The following TNNC1 variants were observed in gnomAD, a reference collection of about 807,000 sequenced individuals.
TNNC1 encodes the protein troponin C1, slow skeletal and cardiac type, also known as troponin C, slow skeletal and cardiac muscles.
Under a neutral mutation model 19.6 loss-of-function variants are expected in TNNC1, and 10 were observed. The observed-to-expected ratio is 0.51, with a 90% CI of 0.31 to 0.87. TNNC1 has a LOEUF of 0.87. TNNC1 is among the 40% of genes least tolerant of loss of function. The pLI, the probability that TNNC1 is intolerant of heterozygous loss-of-function variation, is 0.04. For synonymous variants in TNNC1, 85 were observed against 80.1 expected (o/e 1.06, Z -0.33); for missense variants, 115 against 219.8 (o/e 0.52, Z 3.02).
Position 52,452,631 on chromosome 3 carries a change from A to G in TNNC1, c.25-118T>C. The G allele has an allele frequency of 9.0e-7, 1 of 1,115,456 alleles. No homozygotes were observed. The highest frequency in any genetic ancestry group is 1.5e-5 in the African/African-American group (1 of 65,146). 69.1% of individuals were successfully genotyped at this position (1,115,456 alleles called of 1,614,324 possible). On this transcript the variant is annotated intron_variant, in intron 1 of 5. Coordinates refer to ENST00000232975, the MANE Select transcript of TNNC1 (RefSeq NM_003280.3). This position sits in a 1 kb window ranked among gnomAD's most constrained non-coding sequence, Gnocchi z 5.2. ...AGGAGGCAGGCTATTTCCAGGCCAC[A>G]GAGTGGAGGTCTCAGTCCTCCCTCC...
Position 52,451,326 on chromosome 3 carries a change from T to A in TNNC1, c.455-20A>T, listed in dbSNP as rs751920501. On this transcript the variant is annotated intron_variant, in intron 5 of 5. Coordinates refer to ENST00000232975, the MANE Select transcript of TNNC1 (RefSeq NM_003280.3). The surrounding 1 kb of genome is among the most constrained non-coding windows in gnomAD (Gnocchi z 4.8). ...GGAACTCTGTGGAAAGAGGGGCAGG[T>A]GTGGGTTGAGGGTAGGGGCTGGGCA... The A allele has an allele frequency of 6.2e-7, 1 of 1,613,720 alleles. No individual in the cohort carries two copies. The highest frequency in any genetic ancestry group is 2.2e-5 in the East Asian group (1 of 44,862).
chr3:52,451,349 G>A lies in TNNC1; in HGVS notation c.454+42C>T, dbSNP rs1706323585. ...GGTGTGGGTTGAGGGTAGGGGCTGG[G>A]CAGGGCATGGAGGCAGGAGATCAGC... On this transcript the variant is annotated intron_variant, in intron 5 of 5. Coordinates refer to ENST00000232975, the MANE Select transcript of TNNC1 (RefSeq NM_003280.3). The surrounding 1 kb of genome is among the most constrained non-coding windows in gnomAD (Gnocchi z 4.8). 1.2e-6 allele frequency: 2 copies of A among 1,613,998 alleles called. No individual in the cohort carries two copies. The highest frequency in any genetic ancestry group is 2.7e-5 in the African/African-American group (2 of 74,890).
In TNNC1 at chr3:52,452,297, CAGGACCACGGAGGGCCAG is replaced by C. The variant is rs755805478; in HGVS notation, c.56-63_56-46del. The C allele has an allele frequency of 4.4e-6, 7 of 1,603,636 alleles. No homozygotes were observed. The East Asian group carries it at 1.6e-4, about 36-fold the overall frequency. On this transcript the variant is annotated intron_variant, in intron 2 of 5. Transcript: ENST00000232975. The surrounding 1 kb of genome is among the most constrained non-coding windows in gnomAD (Gnocchi z 5.2). ...GGCACAGTAGTCAGGGCTCAGCAGC[CAGGACCACGGAGGGCCAG>C]AACCCTGGGGCCACCTGCCAACCTG...
rs143020831 is a variant in TNNC1 at position 52,451,756 on chromosome 3, C to T, written c.305G>A (p.Arg102His). The change falls in exon 4 of 6, where the codon CGC (arginine) becomes CAC (histidine). Residue 102 changes from arginine (R) to histidine (H), a missense_variant. Arg to His is a conservative substitution (Grantham distance 29). Transcript: ENST00000232975. The surrounding 1 kb of genome is among the most constrained non-coding windows in gnomAD (Gnocchi z 4.8). ...KSEEELSDLFRMFDKNADGYI... is the reference protein window; with the variant it reads ...KSEEELSDLFHMFDKNADGYI... ...GTCACGTGCTCACTTGTCAAACATG[C>T]GGAAGAGGTCAGACAGCTCCTCCTC... 18 of 1,613,818 alleles carry T rather than the reference C, an allele frequency of 1.1e-5. No individual in the cohort carries two copies. Among genetic ancestry groups the T allele is most frequent in the East Asian group, 2.2e-5 (1 of 44,886 alleles).
At chr3:52,453,124 C>T (rs959144197) in intron 1 of TNNC1, among the ~76,000 whole-genome samples, 2 of 152,220 alleles carry the variant, frequency 1.3e-5, no homozygotes, top group African/African-American at 4.8e-5. Context: ...AGCAGGCGTG[C>T]CCCCAGAGCT....
In TNNC1 at chr3:52,451,679, C is replaced by A; in HGVS notation, c.317+65G>T. 1 of 1,582,232 alleles carries A rather than the reference C, an allele frequency of 6.3e-7. No homozygotes were observed. Among genetic ancestry groups the A allele is most frequent in the Non-Finnish European group, 8.7e-7 (1 of 1,151,106 alleles). ...GGGTCCCTAGGCCTGGAATCTGAGA[C>A]TGCCCTCCTGTACAGCTCGGCTTGA... On this transcript the variant is annotated intron_variant, in intron 4 of 5. Coordinates refer to ENST00000232975, the MANE Select transcript of TNNC1 (RefSeq NM_003280.3). This position sits in a 1 kb window ranked among gnomAD's most constrained non-coding sequence, Gnocchi z 4.8.
At position 52,452,047 on chromosome 3, in the gene TNNC1, A is replaced by T. The variant is rs1277515038; in HGVS notation, c.202+59T>A. 6.2e-7 allele frequency: 1 copy of T among 1,612,890 alleles called. No homozygotes were observed. The highest frequency in any genetic ancestry group is 1.3e-5 in the African/African-American group (1 of 75,016). ...AAATTGCTCCCAGCTAAACAGAGCC[A>T]GCATTCCAGCCCCCAGCCAGCTGGG... On this transcript the variant is annotated intron_variant, in intron 3 of 5. Coordinates refer to ENST00000232975, the MANE Select transcript of TNNC1 (RefSeq NM_003280.3). The surrounding 1 kb of genome is among the most constrained non-coding windows in gnomAD (Gnocchi z 5.2).
In TNNC1 at chr3:52,452,407, G is replaced by C. The variant is rs1385041025; in HGVS notation, c.55+76C>G. ...GACCAAGCCTCTGGTCTCTGGCCTG[G>C]GGTCCTCTTCTGATAAGGGGTCCCC... On this transcript the variant is annotated intron_variant, in intron 2 of 5. Transcript: ENST00000232975. This position sits in a 1 kb window ranked among gnomAD's most constrained non-coding sequence, Gnocchi z 5.2. 2.5e-6 allele frequency: 4 copies of C among 1,591,570 alleles called. No individual in the cohort carries two copies. Among genetic ancestry groups the C allele is most frequent in the Non-Finnish European group, 3.4e-6 (4 of 1,166,162 alleles).
rs1274784180 is a variant in TNNC1, at chr3:52,452,269, G to T, written c.56-17C>A. On this transcript the variant is annotated splice_polypyrimidine_tract_variant and intron_variant, in intron 2 of 5. Transcript: ENST00000232975. This position sits in a 1 kb window ranked among gnomAD's most constrained non-coding sequence, Gnocchi z 5.2. ...CCTTGAACTCTGTGTTCAGGGGTTG[G>T]GGGGCACAGTAGTCAGGGCTCAGCA... is the stretch of plus-strand genomic sequence containing the variant. 6.2e-7 allele frequency: 1 copy of T among 1,607,470 alleles called. No individual in the cohort carries two copies. Among genetic ancestry groups the T allele is most frequent in the South Asian group, 1.1e-5 (1 of 91,086 alleles).
At position 52,451,764 on chromosome 3, in the gene TNNC1, G is replaced by C; in HGVS notation, c.297C>G (p.Asp99Glu). The C allele has an allele frequency of 6.2e-7, 1 of 1,614,074 alleles. No homozygotes were observed. The highest frequency in any genetic ancestry group is 8.5e-7 in the Non-Finnish European group (1 of 1,179,962). The change falls in exon 4 of 6, where the codon GAC becomes GAG. Residue 99 changes from aspartate to glutamate, a missense_variant. Around this residue, in one of 2 missense-constraint regions of TNNC1, gnomAD observed 96 missense variants for 114.2 expected, o/e 0.84. Coordinates refer to ENST00000232975, the MANE Select transcript of TNNC1 (RefSeq NM_003280.3). This position sits in a 1 kb window ranked among gnomAD's most constrained non-coding sequence, Gnocchi z 4.8. ...SKGKSEEELS[D>E]LFRMFDKNAD... is the part of the protein sequence containing the mutation. ...CTCACTTGTCAAACATGCGGAAGAG[G>C]TCAGACAGCTCCTCCTCAGATTTCC... is the stretch of plus-strand genomic sequence containing the variant.
rs1174349407 is a variant in TNNC1, at chr3:52,451,898, G to A, written c.203-40C>T. ...CATGGCCGTTACAGAGGCCAGGGTA[G>A]GTACTGCAGGCAGCACCTTCGACAC... On this transcript the variant is annotated intron_variant, in intron 3 of 5. Coordinates refer to ENST00000232975, the MANE Select transcript of TNNC1 (RefSeq NM_003280.3). This position sits in a 1 kb window ranked among gnomAD's most constrained non-coding sequence, Gnocchi z 4.8. 6.3e-7 allele frequency: 1 copy of A among 1,590,424 alleles called. No individual in the cohort carries two copies. Among genetic ancestry groups the A allele is most frequent in the African/African-American group, 1.3e-5 (1 of 74,462 alleles).
intron 1 of TNNC1, among the ~76,000 whole-genome samples, chr3:52,453,092 C>T (rs1183508619): frequency 1.3e-5 from 2 of 152,240 alleles, no homozygotes; most frequent in Admixed American, 1.3e-4. Context: ...CCAACCCCGG[C>T]TCCATGGACT....
At chr3:52,453,118 G>A (rs1483407166) in intron 1 of TNNC1, among the ~76,000 whole-genome samples, 1 of 152,248 alleles carries the variant, frequency 6.6e-6, no homozygotes, top group Non-Finnish European at 1.5e-5. Flanking sequence ...AGGATAAGCA[G>A]GCGTGCCCCC....
Position 52,452,621 on chromosome 3 carries a change from TC to T in TNNC1, c.25-109del. ...CTGGAGCTGGAGGAGGCAGGCTATT[TC>T]CAGGCCACAGAGTGGAGGTCTCAGT... On this transcript the variant is annotated intron_variant, in intron 1 of 5. Coordinates refer to ENST00000232975, the MANE Select transcript of TNNC1 (RefSeq NM_003280.3). The surrounding 1 kb of genome is among the most constrained non-coding windows in gnomAD (Gnocchi z 5.2). 1 of 1,236,058 alleles carries T rather than the reference TC, an allele frequency of 8.1e-7. No homozygotes were observed. The highest frequency in any genetic ancestry group is 1.2e-6 in the Non-Finnish European group (1 of 857,284). 76.6% of individuals were successfully genotyped at this position (1,236,058 alleles called of 1,614,324 possible).
In TNNC1 at chr3:52,452,431, C is replaced by G; in HGVS notation, c.55+52G>C. Reference sequence around the variant, plus strand: ...GGGGTCCTCTTCTGATAAGGGGTCCCCATGCCAGCCTGGACCCGCTGGTCT... The same window carrying G: ...GGGGTCCTCTTCTGATAAGGGGTCCGCATGCCAGCCTGGACCCGCTGGTCT... On this transcript the variant is annotated intron_variant, in intron 2 of 5. Transcript: ENST00000232975. The surrounding 1 kb of genome is among the most constrained non-coding windows in gnomAD (Gnocchi z 5.2). 4.4e-6 allele frequency: 7 copies of G among 1,605,994 alleles called. No homozygotes were observed. Among genetic ancestry groups the G allele is most frequent in the Non-Finnish European group, 6.0e-6 (7 of 1,175,868 alleles).
At position 52,452,760 on chromosome 3, in the gene TNNC1, AAC is replaced by A. The variant is rs1336191355; in HGVS notation, c.25-249_25-248del. 1 of 590,594 alleles carries A rather than the reference AAC, an allele frequency of 1.7e-6. No individual in the cohort carries two copies. The highest frequency in any genetic ancestry group is 1.9e-5 in the African/African-American group (1 of 53,624). 36.6% of individuals were successfully genotyped at this position (590,594 alleles called of 1,614,324 possible). ...CTTCAGGACCAAGGTGACCCTCAGT[AAC>A]AATAGTCAGTGACCACTCAATGCCC... On this transcript the variant is annotated intron_variant, in intron 1 of 5. Transcript: ENST00000232975. This position sits in a 1 kb window ranked among gnomAD's most constrained non-coding sequence, Gnocchi z 5.2.
In TNNC1 at chr3:52,452,789, T is replaced by C; in HGVS notation, c.25-276A>G. 1 of 540,686 alleles carries C rather than the reference T, an allele frequency of 1.8e-6. No homozygotes were observed. The highest frequency in any genetic ancestry group is 3.2e-5 in the East Asian group (1 of 30,878). 33.5% of individuals were successfully genotyped at this position (540,686 alleles called of 1,614,324 possible). A position where few individuals can be genotyped will look rare whatever the true frequency, so the allele number is the denominator to read the frequency against. On this transcript the variant is annotated intron_variant, in intron 1 of 5. Transcript: ENST00000232975. The surrounding 1 kb of genome is among the most constrained non-coding windows in gnomAD (Gnocchi z 5.2). ...ATAGTCAGTGACCACTCAATGCCCTTTCGGCCCCTGATGAAACTCAAGCTG... is the reference window on the plus strand; with the variant it reads ...ATAGTCAGTGACCACTCAATGCCCTCTCGGCCCCTGATGAAACTCAAGCTG...
chr3:52,451,735 C>T lies in TNNC1; in HGVS notation c.317+9G>A, dbSNP rs761287435. ...GGTCAGGGTCAGAGGTCAAGGGTCACGTGCTCACTTGTCAAACATGCGGAA... is the reference window on the plus strand; with the variant it reads ...GGTCAGGGTCAGAGGTCAAGGGTCATGTGCTCACTTGTCAAACATGCGGAA... On this transcript the variant is annotated intron_variant, in intron 4 of 5. Coordinates refer to ENST00000232975, the MANE Select transcript of TNNC1 (RefSeq NM_003280.3). This position sits in a 1 kb window ranked among gnomAD's most constrained non-coding sequence, Gnocchi z 4.8. The T allele has an allele frequency of 3.2e-5, 52 of 1,612,746 alleles. No homozygotes were observed. The Admixed American group carries it at 4.0e-4, about 12-fold the overall frequency.
rs1012302728 is a variant in TNNC1 at position 52,453,872 on chromosome 3, G to A, written c.24+120C>T. ...TGTCCCTGTGAGGGCCTGGGTTGAA[G>A]GCACGTAGGCCTTCTCCTTGGTCCC... On this transcript the variant is annotated intron_variant, in intron 1 of 5. Transcript: ENST00000232975. The A allele has an allele frequency of 3.3e-6, 4 of 1,222,928 alleles. No individual in the cohort carries two copies. In the Admixed American group the frequency reaches 6.0e-5, roughly 18 times the overall value. 75.8% of individuals were successfully genotyped at this position (1,222,928 alleles called of 1,614,324 possible). A position where few individuals can be genotyped will look rare whatever the true frequency, so the allele number is the denominator to read the frequency against.
Sources: gnomAD v4.1 joint callset for allele counts (sites outside exome capture counted in the v4.1 genomes callset) on GRCh38, gnomAD v4.1.1 for gene constraint, gnomAD v4.1.1 regional missense constraint, Gnocchi (gnomAD v3.1) non-coding constraint, MANE v1.5 for transcripts, NCBI Gene and HGNC (gene_info 2026-07-23, HGNC 2026-07-21) for gene names.